The following INSL6 variants were observed in gnomAD, a reference collection of about 807,000 sequenced individuals.
INSL6 encodes the protein insulin like 6, also known as insulin-like peptide INSL6.
Under a neutral mutation model 9.4 loss-of-function variants are expected in INSL6, and 16 were observed. The ratio of observed to expected loss-of-function variants is 1.70; its 90% CI spans 1.15 to 2.59. The LOEUF is 2.59. Ranked by LOEUF, INSL6 falls within the 30% of genes most tolerant of loss-of-function variation. INSL6 has a pLI of 0.00. For missense variants in INSL6, 391 were observed against 257.3 expected (o/e 1.52, Z -3.56); for synonymous variants, 154 against 96.9 (o/e 1.59, Z -3.46).
chr9:5,062,865 T>C, the INSL6 span, among the ~76,000 whole-genome samples: 2 of 152,202 alleles, frequency 1.3e-5, no homozygotes, highest in Non-Finnish European at 2.9e-5. Context: ...TTAATATTTA[T>C]ACTTCTGTGG....
chr9:5,154,102 A>G (rs1029252108), intron 2 of INSL6, among the ~76,000 whole-genome samples: 3 of 152,146 alleles, frequency 2.0e-5, no homozygotes, highest in Admixed American at 1.3e-4. Context: ...CAGAAACAGC[A>G]TGGTAGTGGT....
At chr9:5,041,603 C>T in the INSL6 span, 5 of 495,752 alleles carry the variant, frequency 1.0e-5, no homozygotes, top group Non-Finnish European at 2.0e-5. Context: ...TTGAGAAGCC[C>T]GACTGTGACT....
the INSL6 span, among the ~76,000 whole-genome samples, chr9:5,050,429 C>A: frequency 3.3e-5 from 5 of 152,056 alleles, no homozygotes; most frequent in African/African-American, 7.2e-5. Flanking sequence ...TGCCACCATG[C>A]CTGGATAATT....
chr9:5,132,645 A>C (rs1824313459), intron 3 of INSL6, among the ~76,000 whole-genome samples: 1 of 152,212 alleles, frequency 6.6e-6, no homozygotes, highest in Non-Finnish European at 1.5e-5. Context: ...AGCTACGTAC[A>C]ACTTCAAGTT....
the INSL6 span, among the ~76,000 whole-genome samples, chr9:5,082,351 G>A: frequency 6.6e-6 from 1 of 152,252 alleles, no homozygotes. Context: ...ATGCCTGGAT[G>A]TGCACATAGG....
intron 2 of INSL6, among the ~76,000 whole-genome samples, chr9:5,134,339 G>T (rs1017791138): frequency 3.3e-5 from 5 of 152,068 alleles, no homozygotes; most frequent in African/African-American, 1.2e-4. Flanking sequence ...GAAATATAGA[G>T]AACACCACAA....
chr9:5,084,846 A>C, the INSL6 span, among the ~76,000 whole-genome samples: 3 of 152,224 alleles, frequency 2.0e-5, no homozygotes, highest in Non-Finnish European at 4.4e-5. Flanking sequence ...TTTCTGAAAA[A>C]ACTTTTGCAA....
At chr9:5,128,433 A>C (rs1824144248) in intron 3 of INSL6, among the ~76,000 whole-genome samples, 1 of 151,826 alleles carries the variant, frequency 6.6e-6, no homozygotes, top group Non-Finnish European at 1.5e-5. Context: ...TATATGCAAC[A>C]CAGTAAGGAG....
intron 3 of INSL6, among the ~76,000 whole-genome samples, chr9:5,130,886 A>G (rs10974977): frequency 0.41 from 60,937 of 147,444 alleles, 15,540 homozygotes; most frequent in African/African-American, 0.73. Context: ...CTGCCACTAC[A>G]CCCGGCTAAT....
At chr9:5,110,892 T>C in the INSL6 span, 1 of 540,304 alleles carries the variant, frequency 1.9e-6, no homozygotes. Flanking sequence ...ATGTCTGAGA[T>C]GCCCGCTCTG....
intron 3 of INSL6, chr9:5,126,455 T>G (rs1240102511): frequency 6.4e-7 from 1 of 1,555,418 alleles, no homozygotes; most frequent in Non-Finnish European, 8.8e-7. Flanking sequence ...AGGTAACAAT[T>G]TTTTTTTAAT....
At chr9:5,074,698 G>A in the INSL6 span, among the ~76,000 whole-genome samples, 406 of 152,284 alleles carry the variant, frequency 2.7e-3, 3 homozygotes, top group African/African-American at 9.5e-3. Context: ...TCACACAATG[G>A]TCTTTAAATG....
chr9:5,053,720 G>C, the INSL6 span, among the ~76,000 whole-genome samples: 1 of 151,962 alleles, frequency 6.6e-6, no homozygotes, highest in South Asian at 2.1e-4. Context: ...GTGGGATTAA[G>C]AGATTTTACA....
the INSL6 span, chr9:5,113,746 C>T: frequency 2.4e-5 from 4 of 167,694 alleles, no homozygotes; most frequent in Admixed American, 6.4e-5. Context: ...CTGGCCATTA[C>T]GCCATCACCA....
chr9:5,126,374 G>A, intron 3 of INSL6: 1 of 1,611,016 alleles, frequency 6.2e-7, no homozygotes, highest in African/African-American at 1.3e-5. Flanking sequence ...AAGGACAGAT[G>A]ATCGTGTTCC....
At chr9:5,086,238 C>A in the INSL6 span, 1 of 591,112 alleles carries the variant, frequency 1.7e-6, no homozygotes, top group South Asian at 5.4e-5. Flanking sequence ...GTCTGAAAGT[C>A]GCGGTAGGAT....
intron 1 of INSL6, among the ~76,000 whole-genome samples, chr9:5,168,180 C>A (rs866151430): frequency 6.6e-6 from 1 of 152,148 alleles, no homozygotes; most frequent in East Asian, 1.9e-4. Context: ...TCCAAATGAT[C>A]GTAACATGAC....
intron 2 of INSL6, among the ~76,000 whole-genome samples, chr9:5,158,291 C>G (rs1297287678): frequency 6.6e-6 from 1 of 152,112 alleles, no homozygotes; most frequent in Non-Finnish European, 1.5e-5. Flanking sequence ...GAGATAATAA[C>G]AGAGAACTTC....
At chr9:5,025,073 G>T in the INSL6 span, among the ~76,000 whole-genome samples, 1 of 152,124 alleles carries the variant, frequency 6.6e-6, no homozygotes, top group African/African-American at 2.4e-5. Context: ...GCATTTATCT[G>T]ATTGCTGCAT....
Sources: allele counts gnomAD v4.1 joint callset (sites outside exome capture counted in the v4.1 genomes callset), GRCh38; gene constraint gnomAD v4.1.1; transcripts MANE v1.5; gene names NCBI Gene and HGNC (gene_info 2026-07-23, HGNC 2026-07-21).